Variants in NR3C2 observed in about 807,000 individuals in gnomAD.
NR3C2 encodes the protein nuclear receptor subfamily 3 group C member 2, also known as mineralocorticoid receptor.
Under a neutral mutation model 86.4 loss-of-function variants are expected in NR3C2, and 15 were observed. The observed-to-expected ratio is 0.17, with a 90% CI of 0.12 to 0.27. NR3C2 has a LOEUF of 0.27. Among genes scored for constraint, NR3C2 ranks in the 10% least tolerant of loss-of-function variants. The pLI is 1.00. For missense variants in NR3C2, 960 were observed against 1,195.6 expected (o/e 0.80, Z 2.91); for synonymous variants, 458 against 450.5 (o/e 1.02, Z -0.21).
chr4:148,313,854 T>C (rs989991483), intron 2 of NR3C2, among the ~76,000 whole-genome samples: 2 of 152,164 alleles, frequency 1.3e-5, no homozygotes, highest in Admixed American at 1.3e-4. Context: ...AAAACTAAGA[T>C]CCCTAAATCC....
chr4:148,350,844 C>T (rs575904912), intron 2 of NR3C2, among the ~76,000 whole-genome samples: 1 of 152,082 alleles, frequency 6.6e-6, no homozygotes, highest in Non-Finnish European at 1.5e-5. Flanking sequence ...AATTAATAGC[C>T]CTCAATCTTG....
chr4:148,278,659 T>C (rs1211686221), intron 2 of NR3C2, among the ~76,000 whole-genome samples: 2 of 152,118 alleles, frequency 1.3e-5, no homozygotes, highest in Admixed American at 6.6e-5. Flanking sequence ...CCAAATCCCT[T>C]ACCCTTCAAG....
In NR3C2 at chr4:148,079,194, C is replaced by G. The variant is rs1328892902; in HGVS notation, c.*2150G>C. On this transcript the variant is annotated 3_prime_UTR_variant, in exon 9 of 9. Transcript: ENST00000358102. ...AAGTAAGCCATTTGTTTGCTAGCAACTCCCAGTCTGCATGCTGTGTATTTA... is the reference window on the plus strand; with the variant it reads ...AAGTAAGCCATTTGTTTGCTAGCAAGTCCCAGTCTGCATGCTGTGTATTTA... 1 of 152,252 alleles carries G rather than the reference C, an allele frequency of 6.6e-6. No homozygotes were observed. The highest frequency in any genetic ancestry group is 2.4e-5 in the African/African-American group (1 of 41,466). 9.4% of individuals were successfully genotyped at this position (152,252 alleles called of 1,614,324 possible).
intron 2 of NR3C2, among the ~76,000 whole-genome samples, chr4:148,265,643 T>C (rs1049817673): frequency 6.6e-6 from 1 of 152,224 alleles, no homozygotes; most frequent in African/African-American, 2.4e-5. Flanking sequence ...TATTACTTAA[T>C]CAGATAAAAG....
chr4:148,208,724 T>C (rs1737129429), intron 3 of NR3C2: 1 of 152,238 alleles, frequency 6.6e-6, no homozygotes, highest in Non-Finnish European at 1.5e-5. Context: ...CCTGTACCCA[T>C]ACTCCAGATA....
chr4:148,167,693 A>G (rs1329401860), intron 4 of NR3C2, among the ~76,000 whole-genome samples: 2 of 152,334 alleles, frequency 1.3e-5, no homozygotes, highest in Non-Finnish European at 1.5e-5. Context: ...AAATAAACCA[A>G]TAAGTAAATG....
rs1193845630 is a variant in NR3C2, at chr4:148,130,814, G to GTTT, written c.2511-10529_2511-10527dup. ...TTTTTTTTTTGTTTTGTTTTGTTTT[G>GTTT]TTTTGTTTTTTTTTTTTTTTTTTTT... On this transcript the variant is annotated intron_variant, in intron 6 of 8. Coordinates refer to ENST00000358102, the MANE Select transcript of NR3C2 (RefSeq NM_000901.5). Among the ~76,000 whole-genome samples the GTTT allele has an allele frequency of 4.0e-3, 306 of 76,986 alleles. 9 individuals carry two copies. The highest frequency in any genetic ancestry group is 0.01 in the East Asian group (18 of 1,770). 50.5% of individuals were successfully genotyped at this position (76,986 alleles called of 152,430 possible). A position where few individuals can be genotyped will look rare whatever the true frequency, so the allele number is the denominator to read the frequency against.
chr4:148,371,734 A>G lies in NR3C2; in HGVS notation c.1757+63370T>C, dbSNP rs1006700634. ...TAAAATAAAAACAGTACCTGACTTAATCCTCACTAACCTGAGAGACAGATA... is the reference window on the plus strand; with the variant it reads ...TAAAATAAAAACAGTACCTGACTTAGTCCTCACTAACCTGAGAGACAGATA... On this transcript the variant is annotated intron_variant, in intron 2 of 8. Coordinates refer to ENST00000358102, the MANE Select transcript of NR3C2 (RefSeq NM_000901.5). 4.6e-5 allele frequency among the ~76,000 whole-genome samples: 7 copies of G among 152,300 alleles called. No individual in the cohort carries two copies. The East Asian group carries it at 1.3e-3, about 29-fold the overall frequency.
intron 3 of NR3C2, among the ~76,000 whole-genome samples, chr4:148,249,330 T>C (rs1395248162): frequency 6.6e-6 from 1 of 152,122 alleles, no homozygotes; most frequent in African/African-American, 2.4e-5. Context: ...ATAGTTTTGA[T>C]TCCACTGAAA....
chr4:148,302,199 A>C (rs2149923603), intron 2 of NR3C2, among the ~76,000 whole-genome samples: 1 of 152,340 alleles, frequency 6.6e-6, no homozygotes, highest in South Asian at 2.1e-4. Context: ...GTGACATTGG[A>C]ATAAAGAAAA....
At chr4:148,197,487 G>A (rs61757490) in intron 3 of NR3C2, among the ~76,000 whole-genome samples, 146 of 152,258 alleles carry the variant, frequency 9.6e-4, no homozygotes, top group Non-Finnish European at 1.8e-3. Flanking sequence ...ATTCACTTCT[G>A]TGAATTTTCA....
intron 4 of NR3C2, among the ~76,000 whole-genome samples, chr4:148,188,614 A>C (rs28886306): frequency 0.041 from 6,182 of 152,070 alleles, 419 homozygotes; most frequent in African/African-American, 0.14. Flanking sequence ...TTCTTTTATC[A>C]GTTCTAGGAG....
intron 2 of NR3C2, among the ~76,000 whole-genome samples, chr4:148,422,909 C>T (rs1221742389): frequency 6.6e-6 from 1 of 152,134 alleles, no homozygotes; most frequent in African/African-American, 2.4e-5. Flanking sequence ...CTTAAAGTTT[C>T]TCCTTGTTCC....
At chr4:148,213,186 T>A (rs1737366012) in intron 3 of NR3C2, among the ~76,000 whole-genome samples, 1 of 151,786 alleles carries the variant, frequency 6.6e-6, no homozygotes, top group Non-Finnish European at 1.5e-5. Context: ...GAGTCACAGC[T>A]GCCTCAACAC....
intron 2 of NR3C2, among the ~76,000 whole-genome samples, chr4:148,434,286 C>T (rs1749932624): frequency 6.6e-6 from 1 of 152,082 alleles, no homozygotes; most frequent in African/African-American, 2.4e-5. Flanking sequence ...TAACTTAGAA[C>T]CACCCTTTAT....
At chr4:148,414,726 C>T (rs1409897036) in intron 2 of NR3C2, among the ~76,000 whole-genome samples, 1 of 152,240 alleles carries the variant, frequency 6.6e-6, no homozygotes, top group African/African-American at 2.4e-5. Flanking sequence ...GACGTGAGAG[C>T]TTCTGAAAGG....
chr4:148,340,212 T>G (rs764696855), intron 2 of NR3C2, among the ~76,000 whole-genome samples: 8 of 152,114 alleles, frequency 5.3e-5, no homozygotes, highest in Non-Finnish European at 1.2e-4. Context: ...AAAGTAATTC[T>G]GAGCAAAAAG....
intron 8 of NR3C2, among the ~76,000 whole-genome samples, chr4:148,090,719 TG>T (rs1731021552): frequency 6.6e-6 from 1 of 152,186 alleles, no homozygotes; most frequent in African/African-American, 2.4e-5. Context: ...CCTCACAGGT[TG>T]GCTGGGGACA....
Position 148,081,061 on chromosome 4 carries a change from CAG to C in NR3C2, c.*281_*282del, listed in dbSNP as rs1007215224. On this transcript the variant is annotated 3_prime_UTR_variant, in exon 9 of 9. Coordinates refer to ENST00000358102, the MANE Select transcript of NR3C2 (RefSeq NM_000901.5). Reference sequence around the variant, plus strand: ...CTTCCATCTGTGAAAATATCAAAATCAGAGTTATTGACTAGATATGGCTTTTC... The same window carrying C: ...CTTCCATCTGTGAAAATATCAAAATCAGTTATTGACTAGATATGGCTTTTC... The C allele has an allele frequency of 4.9e-5, 22 of 452,506 alleles. No individual in the cohort carries two copies. Among genetic ancestry groups the C allele is most frequent in the African/African-American group, 4.4e-4 (22 of 50,450 alleles). The allele number at this position is 452,506 out of a possible 1,614,324, so 28.0% of individuals were successfully genotyped here. A position where few individuals can be genotyped will look rare whatever the true frequency, so the allele number is the denominator to read the frequency against.
Sources: gnomAD v4.1 joint callset for allele counts (sites outside exome capture counted in the v4.1 genomes callset) on GRCh38, gnomAD v4.1.1 for gene constraint, MANE v1.5 for transcripts, NCBI Gene and HGNC (gene_info 2026-07-23, HGNC 2026-07-21) for gene names.